Variants in NAGK observed in about 807,000 individuals in gnomAD.
The protein encoded by NAGK is N-acetylglucosamine kinase.
NAGK carries 35 observed loss-of-function variants against 42.9 expected under a neutral mutation model. The observed-to-expected ratio is 0.82, with a 90% CI of 0.62 to 1.08. The LOEUF (loss-of-function observed/expected upper bound fraction) is 1.08. Among genes scored for constraint, NAGK ranks in the 50% least tolerant of loss-of-function variants. The pLI is 0.00. For synonymous variants in NAGK, 172 were observed against 176.0 expected, an observed-to-expected ratio of 0.98 and a Z score of 0.18; for missense variants, 446 against 446.0, an observed-to-expected ratio of 1.00 and a Z score of 0.00.
intron 1 of NAGK, chr2:71,069,848 AC>A (rs530192109): frequency 6.4e-6 from 1 of 156,170 alleles, no homozygotes; most frequent in African/African-American, 2.4e-5. Context: ...AACTACTGTG[AC>A]CCCCAGTAAT....
chr2:71,076,164 A>G (rs1672204833), intron 7 of NAGK: 1 of 180,298 alleles, frequency 5.5e-6, no homozygotes, highest in Admixed American at 5.6e-5. Flanking sequence ...TCTAGAAAAG[A>G]AGCAGGAACA....
At chr2:71,075,687 A>G (rs1389304892) in intron 7 of NAGK, 45 bp downstream of exon 7, 1 of 1,549,498 alleles carries the variant, frequency 6.5e-7, no homozygotes, top group Non-Finnish European at 8.9e-7. Context: ...TGTTCTCCAA[A>G]GATCCCCAGT....
At chr2:71,068,297 C>A, upstream of NAGK, 2 of 463,122 alleles carry the variant, frequency 4.3e-6, no homozygotes, top group South Asian at 4.0e-5. Flanking sequence ...CAACCTAACG[C>A]GGGACTGCCA....
rs774813675 is a variant in NAGK, at chr2:71,068,697, A to T, written c.14A>T (p.Tyr5Phe). 1 of 1,514,434 alleles carries T rather than the reference A, an allele frequency of 6.6e-7. No individual in the cohort carries two copies. The highest frequency in any genetic ancestry group is 8.8e-7 in the Non-Finnish European group (1 of 1,131,968). 93.8% of individuals were successfully genotyped at this position (1,514,434 alleles called of 1,614,324 possible). Residue 5 changes from tyrosine to phenylalanine, a missense_variant, in exon 1 of 10, where the codon TAT becomes TTT. Coordinates refer to ENST00000244204, the MANE Select transcript of NAGK (RefSeq NM_017567.6). ...GGTAGCAGCAGCATGGCCGCGATCT[A>T]TGGGGGTGTAGAGGGGTGAGTGCGG... MAAIYGGVEGGGTRS... is the reference protein window; with the variant it reads MAAIFGGVEGGGTRS...
chr2:71,079,639 G>C lies in NAGK; in HGVS notation c.*1131G>C, dbSNP rs1230313668. On this transcript the variant is annotated 3_prime_UTR_variant, in exon 10 of 10. Coordinates refer to ENST00000244204, the MANE Select transcript of NAGK (RefSeq NM_017567.6). ...TACTAAAAAATACAAAAAATTAACCGGGCGTGGTGTCGCGCGCCTGTAGTC... is the reference window on the plus strand; with the variant it reads ...TACTAAAAAATACAAAAAATTAACCCGGCGTGGTGTCGCGCGCCTGTAGTC... 6.6e-6 allele frequency: 1 copy of C among 152,112 alleles called. No individual in the cohort carries two copies. The highest frequency in any genetic ancestry group is 1.5e-5 in the Non-Finnish European group (1 of 68,056). 9.4% of individuals were successfully genotyped at this position (152,112 alleles called of 1,614,324 possible).
chr2:71,073,148 T>C (rs1218232480), intron 5 of NAGK: 9 of 468,336 alleles, frequency 1.9e-5, no homozygotes, highest in African/African-American at 3.9e-5. Context: ...TTTATTTTCA[T>C]AGGGGCCCTT....
At chr2:71,077,515 A>G in intron 8 of NAGK, 43 bp from the exon 9 acceptor site, 1 of 1,560,282 alleles carries the variant, frequency 6.4e-7, no homozygotes, top group Non-Finnish European at 8.7e-7. Flanking sequence ...AGCACTGGAG[A>G]GGCTAGGTTG....
At chr2:71,077,527 C>A in intron 8 of NAGK, 31 bp from the exon 9 acceptor site, 1 of 1,579,522 alleles carries the variant, frequency 6.3e-7, no homozygotes, top group Non-Finnish European at 8.6e-7. Flanking sequence ...GCTAGGTTGG[C>A]CCCCATATCC....
At chr2:71,071,508 T>C (rs1672000595) in intron 3 of NAGK, 178 bp from the exon 4 acceptor site, 2 of 839,568 alleles carry the variant, frequency 2.4e-6, no homozygotes, top group African/African-American at 1.7e-5. Context: ...GTCCAGGTTG[T>C]TCTTATAACC....
intron 3 of NAGK, chr2:71,071,371 C>T (rs1671995391): frequency 2.8e-6 from 1 of 361,376 alleles, no homozygotes; most frequent in Non-Finnish European, 5.1e-6. Context: ...TATACCAAAC[C>T]AAGCTTACCT....
At chr2:71,072,443 G>A (rs748547859) in intron 4 of NAGK, 198 bp from the exon 5 acceptor site, 6 of 543,744 alleles carry the variant, frequency 1.1e-5, no homozygotes, top group Admixed American at 9.3e-5. Flanking sequence ...AGACGAGGGC[G>A]TTATGGGATT....
chr2:71,073,510 A>G lies in NAGK; in HGVS notation c.495A>G (p.Lys165=). 1 of 1,614,106 alleles carries G rather than the reference A, an allele frequency of 6.2e-7. No individual in the cohort carries two copies. ...ACTGGATCGCACACCAAGCAGTGAA[A>G]ATAGTGTTTGACTCCATTGACAACC... ...SAYWIAHQAV[K]IVFDSIDNLE... is the part of the protein sequence containing the mutation. Residue 165 remains lysine, a synonymous_variant, in exon 6 of 10, where the codon AAA becomes AAG. Transcript: ENST00000244204.
intron 7 of NAGK, 114 bp from the exon 8 acceptor site, chr2:71,076,490 C>A: frequency 1.3e-6 from 1 of 797,356 alleles, no homozygotes; most frequent in South Asian, 1.7e-5. Context: ...CGGCAGTAGA[C>A]TCCTAGCTCA....
At chr2:71,068,401 T>C, upstream of NAGK, 2 of 1,144,044 alleles carry the variant, frequency 1.7e-6, no homozygotes, top group Non-Finnish European at 2.3e-6. Flanking sequence ...CCTCTTGGGA[T>C]TAGTGTCCAT....
intron 2 of NAGK, 62 bp downstream of exon 2, chr2:71,070,648 T>C: frequency 6.2e-7 from 1 of 1,604,508 alleles, no homozygotes; most frequent in Non-Finnish European, 8.5e-7. Flanking sequence ...GTAATTCCTG[T>C]TGAGGTGGTG....
chr2:71,069,948 G>A (rs1208546300), intron 1 of NAGK: 1 of 159,760 alleles, frequency 6.3e-6, no homozygotes, highest in African/African-American at 2.4e-5. Context: ...TGAAGACCTT[G>A]GCAGCTGGAT....
At chr2:71,071,937 A>G (rs1672028725) in intron 4 of NAGK, 110 bp downstream of exon 4, 1 of 1,376,970 alleles carries the variant, frequency 7.3e-7, no homozygotes, top group Non-Finnish European at 9.9e-7. Context: ...AGCCACTCTT[A>G]TATTCCCCTC....
intron 1 of NAGK, chr2:71,069,206 T>C: frequency 1.5e-6 from 1 of 648,220 alleles, no homozygotes; most frequent in African/African-American, 2.0e-5. Flanking sequence ...GCTCCATCCC[T>C]GTTGGCCTTC....
rs776258480 is a variant in NAGK, at chr2:71,070,576, C to T, written c.104C>T (p.Thr35Ile). ...CTGGCAGAAGCAGATGGACTGAGCA[C>T]AAACCACTGGGTAAAAACCACACTG... ...KILAEADGLS[T>I]NHWLIGTDKC... is the part of the protein sequence containing the mutation. The change falls in exon 2 of 10, where the codon ACA (threonine) becomes ATA (isoleucine). Residue 35 changes from threonine to isoleucine, a missense_variant. Coordinates refer to ENST00000244204, the MANE Select transcript of NAGK (RefSeq NM_017567.6). 4 of 1,613,764 alleles carry T rather than the reference C, an allele frequency of 2.5e-6. No homozygotes were observed. The highest frequency in any genetic ancestry group is 3.4e-6 in the Non-Finnish European group (4 of 1,179,708).
Sources: gnomAD v4.1 joint callset for allele counts on GRCh38, gnomAD v4.1.1 for gene constraint, MANE v1.5 for transcripts, NCBI Gene and HGNC (gene_info 2026-07-23, HGNC 2026-07-21) for gene names.